KIF26B: variants seen among roughly 807,000 people sequenced by gnomAD.
The protein encoded by KIF26B is kinesin-like protein KIF26B.
KIF26B carries 63 observed loss-of-function variants against 151.2 expected under a neutral mutation model. The observed-to-expected ratio is 0.42, with a 90% CI of 0.34 to 0.51. KIF26B has a LOEUF of 0.51. Ranked by LOEUF, KIF26B falls within the 20% of genes least tolerant of loss-of-function variation. KIF26B has a pLI of 0.07. For missense variants in KIF26B, 2,813 were observed against 2,913.6 expected (o/e 0.97, Z 0.79); for synonymous variants, 1,357 against 1,262.1 (o/e 1.08, Z -1.59).
intron 10 of KIF26B, among the ~76,000 whole-genome samples, chr1:245,662,354 A>C (rs182497879): frequency 5.7e-4 from 84 of 146,422 alleles, no homozygotes; most frequent in African/African-American, 1.9e-3. Context: ...CCCTATATAT[A>C]TATACACCCA....
At chr1:245,499,555 T>C (rs749805342) in intron 4 of KIF26B, among the ~76,000 whole-genome samples, 7 of 152,192 alleles carry the variant, frequency 4.6e-5, no homozygotes, top group African/African-American at 9.7e-5. Context: ...CCCTAGCCCA[T>C]AGATAAATAG....
chr1:245,205,815 C>G (rs937356637), intron 2 of KIF26B, among the ~76,000 whole-genome samples: 1 of 151,388 alleles, frequency 6.6e-6, no homozygotes, highest in African/African-American at 2.4e-5. Flanking sequence ...TCAAGTGACC[C>G]TCCTGACTCA....
At chr1:245,245,795 C>T (rs916296292) in intron 2 of KIF26B, among the ~76,000 whole-genome samples, 3 of 151,950 alleles carry the variant, frequency 2.0e-5, no homozygotes, top group East Asian at 1.9e-4. Context: ...GGCGTGGTGG[C>T]GGGTGCCTGC....
intron 4 of KIF26B, among the ~76,000 whole-genome samples, chr1:245,421,304 G>C (rs534689919): frequency 2.3e-4 from 35 of 152,206 alleles, no homozygotes; most frequent in Non-Finnish European, 3.7e-4. Context: ...GTTTGGAGAA[G>C]AGAAGGACTC....
intron 2 of KIF26B, chr1:245,216,058 T>A (rs1198528911): frequency 1.3e-5 from 2 of 151,656 alleles, no homozygotes; most frequent in Non-Finnish European, 2.9e-5. Flanking sequence ...TGAGACCTTG[T>A]CTCTAAAAAA....
intron 2 of KIF26B, among the ~76,000 whole-genome samples, chr1:245,271,576 C>A (rs1418642421): frequency 6.8e-6 from 1 of 147,736 alleles, no homozygotes; most frequent in African/African-American, 2.5e-5. Flanking sequence ...TGAATTCAGT[C>A]AAATGCTTTT....
intron 4 of KIF26B, among the ~76,000 whole-genome samples, chr1:245,505,046 C>T (rs1355354019): frequency 6.6e-6 from 1 of 151,480 alleles, no homozygotes; most frequent in African/African-American, 2.4e-5. Context: ...TCAAGCGATT[C>T]TCCTGGCTCA....
intron 5 of KIF26B, among the ~76,000 whole-genome samples, chr1:245,561,631 C>A (rs946241027): frequency 1.3e-5 from 2 of 152,160 alleles, no homozygotes; most frequent in Admixed American, 6.5e-5. Context: ...TTATGTACAT[C>A]AACTCATTTG....
Position 245,646,162 on chromosome 1 carries a change from A to G in KIF26B, c.2140A>G (p.Ser714Gly). The G allele has an allele frequency of 6.2e-7, 1 of 1,613,994 alleles. No homozygotes were observed. The highest frequency in any genetic ancestry group is 8.5e-7 in the Non-Finnish European group (1 of 1,179,882). The change falls in exon 10 of 15, where the codon AGC becomes GGC. Residue 714 changes from serine to glycine, a missense_variant. Ser to Gly is a moderately conservative substitution (Grantham distance 56). Transcript: ENST00000407071. ...RSRLHLIDLGSCVKALSKNRE... is the reference protein window; with the variant it reads ...RSRLHLIDLGGCVKALSKNRE... ...CCGCCTGCATCTCATTGATCTCGGC[A>G]GCTGTGTGAAAGCTCTTAGCAAAAA... is the stretch of plus-strand genomic sequence containing the variant.
intron 2 of KIF26B, among the ~76,000 whole-genome samples, chr1:245,285,678 C>T (rs1415325777): frequency 6.8e-6 from 1 of 147,712 alleles, no homozygotes. Context: ...GGTAGTGGCT[C>T]ATGCCTGTAA....
At chr1:245,542,048 A>C (rs1034248243) in intron 5 of KIF26B, among the ~76,000 whole-genome samples, 1 of 152,208 alleles carries the variant, frequency 6.6e-6, no homozygotes, top group African/African-American at 2.4e-5. Flanking sequence ...AGAAGAGTTT[A>C]AATTTTAAGA....
At chr1:245,311,125 A>C (rs1671657563) in intron 2 of KIF26B, among the ~76,000 whole-genome samples, 1 of 152,078 alleles carries the variant, frequency 6.6e-6, no homozygotes, top group Non-Finnish European at 1.5e-5. Context: ...AAAAAGCAAA[A>C]GCGGAAGAGA....
intron 3 of KIF26B, among the ~76,000 whole-genome samples, chr1:245,402,546 A>G (rs1440152702): frequency 6.6e-6 from 1 of 152,214 alleles, no homozygotes; most frequent in Non-Finnish European, 1.5e-5. Context: ...CTAGTTAAAA[A>G]TTGATAGTCT....
intron 5 of KIF26B, among the ~76,000 whole-genome samples, chr1:245,568,425 G>A (rs897294800): frequency 6.6e-6 from 1 of 150,840 alleles, no homozygotes; most frequent in Non-Finnish European, 1.5e-5. Flanking sequence ...CAGGAGGATC[G>A]CTTGAGCGTA....
rs1356114830 is a variant in KIF26B, at chr1:245,699,025, T to A, written c.6166T>A (p.Trp2056Arg). ...KQYLMLDPNK[W>R]LSEFDLEQVW... is the part of the protein sequence containing the mutation. ...GTATCTGATGCTGGATCCCAACAAG[T>A]GGCTCAGTGAATGTAAGGCCGGGGT... Residue 2056 changes from tryptophan to arginine, a missense_variant, in exon 14 of 15, where the codon TGG (tryptophan) becomes AGG (arginine). This residue lies in a region of KIF26B where 2,060 missense variants were observed against 2,088.6 expected (regional missense o/e 0.99). Transcript: ENST00000407071. The A allele has an allele frequency of 6.2e-7, 1 of 1,613,728 alleles. No homozygotes were observed. Among genetic ancestry groups the A allele is most frequent in the Admixed American group, 1.7e-5 (1 of 59,992 alleles).
At chr1:245,424,815 A>G (rs1033875244) in intron 4 of KIF26B, among the ~76,000 whole-genome samples, 1 of 152,240 alleles carries the variant, frequency 6.6e-6, no homozygotes, top group Non-Finnish European at 1.5e-5. Flanking sequence ...ATGCACTGCT[A>G]TAGAGAACGA....
chr1:245,637,468 A>G (rs2043848051), intron 9 of KIF26B, among the ~76,000 whole-genome samples: 1 of 151,932 alleles, frequency 6.6e-6, no homozygotes, highest in Admixed American at 6.6e-5. Context: ...TATGTAGGTT[A>G]TCTTTTCACT....
At chr1:245,225,390 T>C (rs1289803427) in intron 2 of KIF26B, among the ~76,000 whole-genome samples, 1 of 152,198 alleles carries the variant, frequency 6.6e-6, no homozygotes, top group Non-Finnish European at 1.5e-5. Flanking sequence ...CTGTCCAATC[T>C]CTGTGTATCT....
rs141729750 is a variant in KIF26B, at chr1:245,441,740, A to C, written c.1166+21995A>C. Among the ~76,000 whole-genome samples, 639 of 152,346 alleles carry C rather than the reference A, an allele frequency of 4.2e-3. 5 individuals carry two copies. Among genetic ancestry groups the C allele is most frequent in the African/African-American group, 0.014 (573 of 41,596 alleles). On this transcript the variant is annotated intron_variant, in intron 4 of 14. Coordinates refer to ENST00000407071, the MANE Select transcript of KIF26B (RefSeq NM_018012.4). ...GGAAAAGATAATAAAATATCTCCTGATGCTTAACAATCGTTGGGTGGAAAC... is the reference window on the plus strand; with the variant it reads ...GGAAAAGATAATAAAATATCTCCTGCTGCTTAACAATCGTTGGGTGGAAAC...
Sources: gnomAD v4.1 joint callset for allele counts (sites outside exome capture counted in the v4.1 genomes callset) on GRCh38, gnomAD v4.1.1 for gene constraint, gnomAD v4.1.1 regional missense constraint, MANE v1.5 for transcripts, NCBI Gene and HGNC (gene_info 2026-07-23, HGNC 2026-07-21) for gene names.